Variants in BARD1 observed in about 807,000 individuals in gnomAD.
BARD1 encodes BRCA1-associated RING domain protein 1.
In BARD1, 73 loss-of-function variants were observed where a neutral mutation model predicts 77.0. The observed-to-expected ratio is 0.95, with a 90% CI of 0.79 to 1.15. BARD1 has a LOEUF of 1.15. Among genes scored for constraint, BARD1 ranks in the 50% most tolerant of loss-of-function variants. The probability of loss-of-function intolerance (pLI) is 0.00; values close to 1 mark genes in which losing one functional copy is unlikely to be tolerated. For missense variants in BARD1, 993 were observed against 938.8 expected (o/e 1.06, Z -0.75); for synonymous variants, 384 against 338.0 (o/e 1.14, Z -1.49).
rs563447755 is a variant in BARD1 at position 214,784,032 on chromosome 2, T to A, written c.365-2523A>T. On this transcript the variant is annotated intron_variant, in intron 3 of 10. Coordinates refer to ENST00000260947, the MANE Select transcript of BARD1 (RefSeq NM_000465.4). ...GGCAGTAAAAGCCAAAATTGACAAA[T>A]GGGATCTAATTAAACTAAAGACCTT... Among the ~76,000 whole-genome samples, 26 of 152,116 alleles carry A rather than the reference T, an allele frequency of 1.7e-4. No individual in the cohort carries two copies. In the South Asian group the frequency reaches 5.2e-3, roughly 30 times the overall value.
At chr2:214,754,532 G>T (rs1238043169) in intron 6 of BARD1, among the ~76,000 whole-genome samples, 1 of 152,054 alleles carries the variant, frequency 6.6e-6, no homozygotes, top group Non-Finnish European at 1.5e-5. Context: ...ATGACAACAT[G>T]AAAAACTGTT....
intron 1 of BARD1, 133 bp downstream of exon 1, chr2:214,809,279 T>G: frequency 7.6e-7 from 1 of 1,313,844 alleles, no homozygotes; most frequent in Middle Eastern, 1.8e-4. Flanking sequence ...CCCCGGCAGG[T>G]GCTAACCGCA....
chr2:214,749,297 G>A (rs886888729), intron 7 of BARD1, among the ~76,000 whole-genome samples: 2 of 152,158 alleles, frequency 1.3e-5, no homozygotes, highest in African/African-American at 2.4e-5. Flanking sequence ...GAGTGAAGAA[G>A]AGACTGGTAG....
chr2:214,748,574 G>A (rs1693252748), intron 7 of BARD1, among the ~76,000 whole-genome samples: 1 of 151,846 alleles, frequency 6.6e-6, no homozygotes, highest in Non-Finnish European at 1.5e-5. Flanking sequence ...ATCACAAACA[G>A]AGAAGTCTCA....
intron 6 of BARD1, among the ~76,000 whole-genome samples, chr2:214,755,953 A>G (rs1361597200): frequency 6.6e-6 from 1 of 152,232 alleles, no homozygotes; most frequent in Non-Finnish European, 1.5e-5. Flanking sequence ...ACAGTATATT[A>G]ATATCTTTTA....
In BARD1 at chr2:214,728,624, G is replaced by C; in HGVS notation, c.*52C>G. ...AACATTAAAAACAGTACAATGACTGGGCTCTCACAAACCGTGCAAATTCAA... is the reference window on the plus strand; with the variant it reads ...AACATTAAAAACAGTACAATGACTGCGCTCTCACAAACCGTGCAAATTCAA... On this transcript the variant is annotated 3_prime_UTR_variant, in exon 11 of 11. Transcript: ENST00000260947. The C allele has an allele frequency of 6.5e-7, 1 of 1,549,526 alleles. No individual in the cohort carries two copies. Among genetic ancestry groups the C allele is most frequent in the South Asian group, 1.1e-5 (1 of 88,848 alleles).
intron 6 of BARD1, among the ~76,000 whole-genome samples, chr2:214,766,837 C>G (rs1021993405): frequency 1.5e-4 from 22 of 151,272 alleles, no homozygotes; most frequent in African/African-American, 5.4e-4. Flanking sequence ...AACTTTTATT[C>G]TAGGTTTTTA....
At chr2:214,752,234 G>C (rs1435597567) in intron 7 of BARD1, among the ~76,000 whole-genome samples, 5 of 152,198 alleles carry the variant, frequency 3.3e-5, no homozygotes, top group Admixed American at 2.6e-4. Flanking sequence ...TTTTATGAAT[G>C]CTGCCTAAAA....
chr2:214,781,269 G>A lies in BARD1; in HGVS notation c.605C>T (p.Ser202Phe), dbSNP rs1018602332. Residue 202 changes from serine (S) to phenylalanine (F), a missense_variant, in exon 4 of 11, where the codon TCT (serine) becomes TTT (phenylalanine). Coordinates refer to ENST00000260947, the MANE Select transcript of BARD1 (RefSeq NM_000465.4). ...SERAKKASAR[S>F]GKKQKKKTLA... ...AGTTTTCTTTTTTTGCTTTTTTCCA[G>A]ATCTTGCAGAAGCCTTTTTAGCCCT... 2 of 1,596,104 alleles carry A rather than the reference G, an allele frequency of 1.3e-6. No homozygotes were observed. The highest frequency in any genetic ancestry group is 2.2e-5 in the East Asian group (1 of 44,780).
At chr2:214,740,457 A>G (rs1162569679) in intron 9 of BARD1, among the ~76,000 whole-genome samples, 3 of 152,030 alleles carry the variant, frequency 2.0e-5, no homozygotes, top group Admixed American at 2.0e-4. Flanking sequence ...TATTTTTAAA[A>G]CTGTTATAAA....
chr2:214,805,268 T>C (rs756723410), intron 1 of BARD1, among the ~76,000 whole-genome samples: 60 of 152,236 alleles, frequency 3.9e-4, no homozygotes, highest in Non-Finnish European at 7.3e-5. Context: ...GCACGACAAT[T>C]TACCCTGAAC....
At position 214,753,154 on chromosome 2, in the gene BARD1, C is replaced by T. The variant is rs538581360; in HGVS notation, c.1569-599G>A. 1.1e-4 allele frequency among the ~76,000 whole-genome samples: 16 copies of T among 151,932 alleles called. No individual in the cohort carries two copies. In the East Asian group the frequency reaches 2.7e-3, roughly 26 times the overall value. ...CTAATTCACAAGTCACAGAATGTTA[C>T]GCTGGAAGAGATTTTAGAGATCCCA... On this transcript the variant is annotated intron_variant, in intron 6 of 10. Coordinates refer to ENST00000260947, the MANE Select transcript of BARD1 (RefSeq NM_000465.4).
chr2:214,737,882 T>C (rs553368448), intron 9 of BARD1, among the ~76,000 whole-genome samples: 20 of 152,290 alleles, frequency 1.3e-4, no homozygotes, highest in South Asian at 6.2e-4. Context: ...TAATAAACAG[T>C]TAATAAAGTC....
intron 7 of BARD1, among the ~76,000 whole-genome samples, chr2:214,747,579 C>A (rs546959661): frequency 6.6e-6 from 1 of 150,754 alleles, no homozygotes; most frequent in Non-Finnish European, 1.5e-5. Flanking sequence ...AACTGGAAAC[C>A]ATCATTCTCA....
At chr2:214,799,674 A>G (rs1695926720) in intron 1 of BARD1, among the ~76,000 whole-genome samples, 1 of 152,080 alleles carries the variant, frequency 6.6e-6, no homozygotes, top group Admixed American at 6.5e-5. Context: ...TCTCATTTGC[A>G]TCTACACATG....
At chr2:214,805,862 T>C (rs1696246802) in intron 1 of BARD1, among the ~76,000 whole-genome samples, 1 of 152,190 alleles carries the variant, frequency 6.6e-6, no homozygotes, top group Non-Finnish European at 1.5e-5. Context: ...TTGTCATAGA[T>C]GTCTAATCCC....
At chr2:214,758,887 C>T (rs869312503) in intron 6 of BARD1, among the ~76,000 whole-genome samples, 1 of 152,200 alleles carries the variant, frequency 6.6e-6, no homozygotes, top group Non-Finnish European at 1.5e-5. Context: ...CAAATTTAAA[C>T]TTGTACTTGC....
chr2:214,784,848 G>A (rs1223477841), intron 3 of BARD1, among the ~76,000 whole-genome samples: 1 of 152,130 alleles, frequency 6.6e-6, no homozygotes, highest in African/African-American at 2.4e-5. Context: ...GACAGAGGGA[G>A]GGGAACATCA....
chr2:214,765,649 T>G (rs1452916218), intron 6 of BARD1, among the ~76,000 whole-genome samples: 1 of 152,174 alleles, frequency 6.6e-6, no homozygotes, highest in African/African-American at 2.4e-5. Context: ...ATAATTTGCG[T>G]TACCAAATAG....
Sources: gnomAD v4.1 joint callset for allele counts (sites outside exome capture counted in the v4.1 genomes callset) on GRCh38, gnomAD v4.1.1 for gene constraint, MANE v1.5 for transcripts, NCBI Gene and HGNC (gene_info 2026-07-23, HGNC 2026-07-21) for gene names.